The following PTPRT variants were observed in gnomAD, a reference collection of about 807,000 sequenced individuals.
PTPRT encodes receptor-type tyrosine-protein phosphatase T.
A neutral mutation model predicts 176.8 loss-of-function variants in PTPRT; 56 were observed. That is an observed-to-expected ratio of 0.32 (90% CI 0.26 to 0.40). The LOEUF is 0.40. PTPRT is among the 10% of genes least tolerant of loss of function. PTPRT has a pLI of 1.00. For synonymous variants in PTPRT, 783 were observed against 739.0 expected (o/e 1.06, Z -0.96); for missense variants, 1,540 against 1,908.2 (o/e 0.81, Z 3.60).
intron 7 of PTPRT, among the ~76,000 whole-genome samples, chr20:42,659,092 AT>A (rs2075177061): frequency 1.3e-5 from 2 of 152,044 alleles, no homozygotes; most frequent in African/African-American, 4.8e-5. Flanking sequence ...ATGAAAACAT[AT>A]TTTTTTCATC....
At chr20:42,295,943 C>T (rs370897923) in intron 12 of PTPRT, among the ~76,000 whole-genome samples, 11 of 152,288 alleles carry the variant, frequency 7.2e-5, no homozygotes, top group South Asian at 2.1e-4. Context: ...CTTCTCCTTC[C>T]GCCATGACTG....
At position 42,319,262 on chromosome 20, in the gene PTPRT, C is replaced by CTT. The variant is rs11483379; in HGVS notation, c.1866-3268_1866-3267dup. The stretch of plus-strand genomic sequence containing the variant: ...TTTCATTCATAGCTCAGTATCCTTC[C>CTT]TTTTTTTTTTTTTTTCTATTTTCTT... On this transcript the variant is annotated intron_variant, in intron 11 of 30. Transcript: ENST00000373187. Among the ~76,000 whole-genome samples the CTT allele has an allele frequency of 6.2e-3, 887 of 142,644 alleles. 7 individuals carry two copies. Among genetic ancestry groups the CTT allele is most frequent in the African/African-American group, 0.021 (824 of 38,888 alleles). 93.6% of individuals were successfully genotyped at this position (142,644 alleles called of 152,430 possible). A position where few individuals can be genotyped will look rare whatever the true frequency, so the allele number is the denominator to read the frequency against.
chr20:42,812,468 T>G (rs1414697961), intron 2 of PTPRT, among the ~76,000 whole-genome samples: 1 of 152,232 alleles, frequency 6.6e-6, no homozygotes, highest in South Asian at 2.1e-4. Flanking sequence ...ATATTACTTA[T>G]AAATGGAATC....
chr20:42,175,404 A>G (rs1036363606), intron 16 of PTPRT, among the ~76,000 whole-genome samples: 2 of 151,958 alleles, frequency 1.3e-5, no homozygotes, highest in African/African-American at 4.8e-5. Flanking sequence ...CTTTTCCCCC[A>G]AACTTCCAAG....
chr20:42,158,694 G>A (rs1989460309), intron 17 of PTPRT, among the ~76,000 whole-genome samples: 1 of 152,146 alleles, frequency 6.6e-6, no homozygotes, highest in Non-Finnish European at 1.5e-5. Flanking sequence ...AGCACATTGT[G>A]AAATGACTTT....
At chr20:42,768,832 A>T (rs772278875) in intron 5 of PTPRT, among the ~76,000 whole-genome samples, 21 of 152,210 alleles carry the variant, frequency 1.4e-4, no homozygotes, top group Non-Finnish European at 8.8e-5. Flanking sequence ...ATGTGTTTCC[A>T]TCTGTTTTCT....
the PTPRT span, among the ~76,000 whole-genome samples, chr20:42,051,797 G>A: frequency 1.3e-5 from 2 of 152,190 alleles, no homozygotes; most frequent in African/African-American, 4.8e-5. Context: ...AGTTATCCCT[G>A]GGAGTAGTGC....
At chr20:42,483,131 C>T (rs1176101302) in intron 7 of PTPRT, among the ~76,000 whole-genome samples, 1 of 152,158 alleles carries the variant, frequency 6.6e-6, no homozygotes, top group Non-Finnish European at 1.5e-5. Context: ...AGGTGTCACT[C>T]TTCCCTCTCT....
At chr20:42,176,503 T>C (rs1189023925) in intron 16 of PTPRT, among the ~76,000 whole-genome samples, 1 of 152,102 alleles carries the variant, frequency 6.6e-6, no homozygotes, top group Non-Finnish European at 1.5e-5. Flanking sequence ...GGCTCCAGGG[T>C]TGTATGTGCA....
intron 16 of PTPRT, among the ~76,000 whole-genome samples, chr20:42,190,585 C>A (rs78847999): frequency 0.014 from 2,086 of 152,288 alleles, 23 homozygotes; most frequent in Middle Eastern, 0.044. Flanking sequence ...GCTAGTGATT[C>A]TCTGAATCAC....
intron 11 of PTPRT, among the ~76,000 whole-genome samples, chr20:42,317,910 T>C (rs192717512): frequency 6.5e-4 from 99 of 152,292 alleles, no homozygotes; most frequent in African/African-American, 2.3e-3. Flanking sequence ...CAGTTCAGAG[T>C]GCATGTGAGT....
intron 1 of PTPRT, among the ~76,000 whole-genome samples, chr20:42,938,240 C>T (rs1353659447): frequency 6.6e-6 from 1 of 152,108 alleles, no homozygotes; most frequent in Admixed American, 6.5e-5. Context: ...ATGGAATGTG[C>T]ATATCAGTAT....
chr20:42,051,799 G>A, the PTPRT span, among the ~76,000 whole-genome samples: 1 of 152,190 alleles, frequency 6.6e-6, no homozygotes, highest in South Asian at 2.1e-4. Flanking sequence ...TTATCCCTGG[G>A]AGTAGTGCAA....
intron 1 of PTPRT, among the ~76,000 whole-genome samples, chr20:42,941,388 A>C (rs987655806): frequency 7.2e-5 from 11 of 152,144 alleles, no homozygotes; most frequent in Non-Finnish European, 1.6e-4. Flanking sequence ...TGTCAGTTCC[A>C]ATCTCCCTCC....
intron 9 of PTPRT, among the ~76,000 whole-genome samples, chr20:42,442,927 G>A (rs534278471): frequency 2.2e-4 from 33 of 152,284 alleles, no homozygotes; most frequent in South Asian, 1.5e-3. Context: ...AGTTGTGGTT[G>A]TTCCCAAGAG....
At chr20:42,877,134 T>G (rs551053525) in intron 2 of PTPRT, among the ~76,000 whole-genome samples, 2 of 149,968 alleles carry the variant, frequency 1.3e-5, no homozygotes, top group African/African-American at 4.9e-5. Flanking sequence ...AGCTGAAGGA[T>G]CAGGCCTGAA....
At chr20:42,952,708 C>T (rs1054825754) in intron 1 of PTPRT, among the ~76,000 whole-genome samples, 1 of 152,150 alleles carries the variant, frequency 6.6e-6, no homozygotes. Context: ...GCTCCAGTTA[C>T]CTCACTGAGT....
chr20:43,019,016 G>T (rs975504430), intron 1 of PTPRT, among the ~76,000 whole-genome samples: 1 of 151,948 alleles, frequency 6.6e-6, no homozygotes, highest in Non-Finnish European at 1.5e-5. Flanking sequence ...TCACATGCAC[G>T]TTTATCACAA....
intron 13 of PTPRT, among the ~76,000 whole-genome samples, chr20:42,278,700 C>A (rs1886152006): frequency 6.6e-6 from 1 of 152,102 alleles, no homozygotes; most frequent in Admixed American, 6.6e-5. Flanking sequence ...TCTGTCTCAG[C>A]CAGAGGACAT....
Sources: gnomAD v4.1 joint callset for allele counts (sites outside exome capture counted in the v4.1 genomes callset) on GRCh38, gnomAD v4.1.1 for gene constraint, MANE v1.5 for transcripts, NCBI Gene and HGNC (gene_info 2026-07-23, HGNC 2026-07-21) for gene names.